GALNT13: variants seen among roughly 807,000 people sequenced by gnomAD.
GALNT13 encodes polypeptide N-acetylgalactosaminyltransferase 13.
A neutral mutation model predicts 64.2 loss-of-function variants in GALNT13; 28 were observed. That is an observed-to-expected ratio of 0.44 (90% CI 0.32 to 0.60). GALNT13 has a LOEUF of 0.60. GALNT13 is among the 20% of genes least tolerant of loss of function. The probability of loss-of-function intolerance (pLI) is 0.05; values close to 1 mark genes in which losing one functional copy is unlikely to be tolerated. For missense variants in GALNT13, 577 were observed against 669.8 expected, an observed-to-expected ratio of 0.86 and a Z score of 1.53; for synonymous variants, 214 against 224.6, an observed-to-expected ratio of 0.95 and a Z score of 0.42.
At chr2:154,078,501 A>G (rs1474583965) in intron 3 of GALNT13, among the ~76,000 whole-genome samples, 1 of 151,576 alleles carries the variant, frequency 6.6e-6, no homozygotes, top group Admixed American at 6.6e-5. Context: ...TTAGGTTGGA[A>G]GAAGGTTCTT....
intron 3 of GALNT13, among the ~76,000 whole-genome samples, chr2:154,100,399 TCTC>T (rs550364562): frequency 1.3e-5 from 2 of 152,284 alleles, no homozygotes; most frequent in South Asian, 4.1e-4. Context: ...ACTTCGTAGT[TCTC>T]CTTGTAGAGA....
At chr2:154,139,621 AAC>A (rs59526662) in intron 3 of GALNT13, among the ~76,000 whole-genome samples, 13,076 of 147,338 alleles carry the variant, frequency 0.089, 610 homozygotes, top group Middle Eastern at 0.13. Flanking sequence ...ATGTGTAGGC[AAC>A]ACACACACAC....
chr2:154,113,754 C>A (rs1375306386), intron 3 of GALNT13, among the ~76,000 whole-genome samples: 1 of 152,206 alleles, frequency 6.6e-6, no homozygotes, highest in African/African-American at 2.4e-5. Context: ...ATCATGGTCT[C>A]TCTCAATAAG....
At chr2:153,661,637 A>G in the GALNT13 span, among the ~76,000 whole-genome samples, 2 of 152,210 alleles carry the variant, frequency 1.3e-5, no homozygotes, top group East Asian at 1.9e-4. Flanking sequence ...GGCCACTTCT[A>G]TAATGCATAA....
chr2:154,198,231 G>A (rs565402465), intron 4 of GALNT13, among the ~76,000 whole-genome samples: 6 of 152,156 alleles, frequency 3.9e-5, no homozygotes, highest in Middle Eastern at 3.4e-3. Context: ...TCAGAGCAGT[G>A]AGTAACTATT....
the GALNT13 span, among the ~76,000 whole-genome samples, chr2:153,204,845 A>G: frequency 1.8e-3 from 271 of 152,296 alleles, 6 homozygotes; most frequent in East Asian, 0.047. Flanking sequence ...TACACTGTTA[A>G]AAGGTATTCT....
the GALNT13 span, among the ~76,000 whole-genome samples, chr2:153,118,123 A>ACACT: frequency 6.7e-6 from 1 of 149,174 alleles, no homozygotes; most frequent in Non-Finnish European, 1.5e-5. Context: ...ACACACACAC[A>ACACT]CACACACACA....
At chr2:153,478,932 G>A in the GALNT13 span, 2 of 257,254 alleles carry the variant, frequency 7.8e-6, no homozygotes, top group Middle Eastern at 1.1e-3. Flanking sequence ...CGGCCGCACC[G>A]CCGCGCTGCG....
chr2:153,394,314 T>C, the GALNT13 span, among the ~76,000 whole-genome samples: 1 of 152,112 alleles, frequency 6.6e-6, no homozygotes, highest in South Asian at 2.1e-4. Flanking sequence ...ACTTCTAAAT[T>C]TACCTTTTAA....
At chr2:153,312,266 G>A in the GALNT13 span, among the ~76,000 whole-genome samples, 3 of 152,166 alleles carry the variant, frequency 2.0e-5, no homozygotes, top group Non-Finnish European at 2.9e-5. Flanking sequence ...ATGTAGACTG[G>A]GCTACAGGTT....
the GALNT13 span, among the ~76,000 whole-genome samples, chr2:153,630,789 A>ATG: frequency 3.2e-4 from 4 of 12,374 alleles, no homozygotes; most frequent in Non-Finnish European, 5.0e-4. Context: ...ATATATATAT[A>ATG]TATATATATA....
chr2:153,297,373 A>T, the GALNT13 span, among the ~76,000 whole-genome samples: 1 of 152,188 alleles, frequency 6.6e-6, no homozygotes, highest in Non-Finnish European at 1.5e-5. Context: ...AGGATAATTT[A>T]AGACACGAAA....
chr2:153,420,145 T>A, the GALNT13 span, among the ~76,000 whole-genome samples: 1 of 152,210 alleles, frequency 6.6e-6, no homozygotes, highest in Admixed American at 6.5e-5. Context: ...CCAGTCTGCA[T>A]ATACATTTAG....
chr2:154,382,841 A>G (rs1698337336), intron 9 of GALNT13, among the ~76,000 whole-genome samples: 1 of 151,612 alleles, frequency 6.6e-6, no homozygotes, highest in Non-Finnish European at 1.5e-5. Context: ...GTCTTAACTG[A>G]GAGACTGTGG....
At chr2:153,960,119 C>T (rs1187508463) in intron 3 of GALNT13, among the ~76,000 whole-genome samples, 1 of 152,220 alleles carries the variant, frequency 6.6e-6, no homozygotes, top group East Asian at 1.9e-4. Context: ...TTGGTAGTGA[C>T]AGACCTCAAG....
the GALNT13 span, among the ~76,000 whole-genome samples, chr2:153,181,738 A>G: frequency 0.13 from 18,929 of 145,072 alleles, 1,465 homozygotes; most frequent in Non-Finnish European, 0.17. Context: ...AGAAATATAA[A>G]TTTATATACA....
the GALNT13 span, chr2:153,422,081 A>C: frequency 6.6e-6 from 1 of 152,224 alleles, no homozygotes; most frequent in East Asian, 1.9e-4. Flanking sequence ...AAAAAAAGGC[A>C]TAAATAGCTC....
the GALNT13 span, among the ~76,000 whole-genome samples, chr2:153,416,702 A>G: frequency 1.3e-5 from 2 of 152,184 alleles, no homozygotes; most frequent in Non-Finnish European, 2.9e-5. Flanking sequence ...TGATTGTATT[A>G]GTTGATTCAA....
the GALNT13 span, among the ~76,000 whole-genome samples, chr2:153,822,526 C>G: frequency 6.6e-6 from 1 of 152,112 alleles, no homozygotes; most frequent in Admixed American, 6.6e-5. Flanking sequence ...TGATAAAAAT[C>G]TCAAATCCCT....
Sources: gnomAD v4.1 joint callset for allele counts (sites outside exome capture counted in the v4.1 genomes callset) on GRCh38, gnomAD v4.1.1 for gene constraint, MANE v1.5 for transcripts, NCBI Gene and HGNC (gene_info 2026-07-23, HGNC 2026-07-21) for gene names.